UTS2B: variants seen among roughly 807,000 people sequenced by gnomAD.
UTS2B encodes the protein urotensin-2B.
A neutral mutation model predicts 19.2 loss-of-function variants in UTS2B; 21 were observed. The ratio of observed to expected loss-of-function variants is 1.09; its 90% CI spans 0.78 to 1.58. The LOEUF (loss-of-function observed/expected upper bound fraction) is 1.58, where lower values mean the gene tolerates loss of function less well. Ranked by LOEUF, UTS2B falls within the 40% of genes most tolerant of loss-of-function variation. The probability of loss-of-function intolerance (pLI) is 0.00; values close to 1 mark genes in which losing one functional copy is unlikely to be tolerated. For synonymous variants in UTS2B, 57 were observed against 50.2 expected (o/e 1.14, Z -0.58); for missense variants, 138 against 130.3 (o/e 1.06, Z -0.29).
intron 2 of UTS2B, among the ~76,000 whole-genome samples, chr3:191,322,083 C>T (rs1267535413): frequency 6.6e-6 from 1 of 151,518 alleles, no homozygotes; most frequent in African/African-American, 2.4e-5. Context: ...TGTATATGTA[C>T]ATAACATTCA....
At chr3:191,343,329 A>T in the UTS2B span, among the ~76,000 whole-genome samples, 3 of 152,246 alleles carry the variant, frequency 2.0e-5, no homozygotes, top group Non-Finnish European at 4.4e-5. Context: ...GAATCAAAGT[A>T]AGAGTTCTCT....
chr3:191,269,879 T>C (rs980112848), intron 8 of UTS2B, among the ~76,000 whole-genome samples: 1 of 152,260 alleles, frequency 6.6e-6, no homozygotes, highest in Non-Finnish European at 1.5e-5. Flanking sequence ...TGAGTCATAC[T>C]GGTGGCAGAG....
intron 4 of UTS2B, among the ~76,000 whole-genome samples, chr3:191,296,055 T>C (rs1716848935): frequency 1.3e-5 from 2 of 152,202 alleles, no homozygotes; most frequent in South Asian, 4.1e-4. Flanking sequence ...TACCCATAGA[T>C]AAATATTGCG....
chr3:191,278,487 T>C (rs1322106916), intron 5 of UTS2B, among the ~76,000 whole-genome samples: 2 of 152,200 alleles, frequency 1.3e-5, no homozygotes, highest in East Asian at 3.9e-4. Context: ...TTTCTGGAAT[T>C]TTCTACTATT....
chr3:191,301,786 G>A (rs2108594759), intron 4 of UTS2B, among the ~76,000 whole-genome samples: 1 of 152,276 alleles, frequency 6.6e-6, no homozygotes, highest in Non-Finnish European at 1.5e-5. Flanking sequence ...ACCACGCCCG[G>A]CCAATTTTTG....
chr3:191,275,799 G>A (rs1453622278), intron 7 of UTS2B, among the ~76,000 whole-genome samples: 2 of 151,820 alleles, frequency 1.3e-5, no homozygotes, highest in Admixed American at 6.6e-5. Flanking sequence ...GAGAAAAAGG[G>A]GGAAATAGAA....
In UTS2B at chr3:191,273,698, T is replaced by A. The variant is rs1716154100; in HGVS notation, c.334+1554A>T. On this transcript the variant is annotated intron_variant, in intron 8 of 8. Transcript: ENST00000340524. ...CTAAGCTATACTGATTCAGGAAAGG[T>A]CCAACAAATCTCTATTTCAACCTTT... is the stretch of plus-strand genomic sequence containing the variant. The A allele has an allele frequency of 9.2e-5, 32 of 347,588 alleles. 1 individual carries two copies. Among genetic ancestry groups the A allele is most frequent in the South Asian group, 7.3e-4 (32 of 43,754 alleles). The allele number at this position is 347,588 out of a possible 1,614,324, so 21.5% of individuals were successfully genotyped here. A position where few individuals can be genotyped will look rare whatever the true frequency, so the allele number is the denominator to read the frequency against.
At chr3:191,306,200 G>A (rs903900914) in intron 3 of UTS2B, among the ~76,000 whole-genome samples, 8 of 152,154 alleles carry the variant, frequency 5.3e-5, no homozygotes, top group Non-Finnish European at 1.0e-4. Context: ...CTAGTGCTGT[G>A]AAGAATGTCA....
intron 5 of UTS2B, among the ~76,000 whole-genome samples, chr3:191,278,449 A>G (rs1716297686): frequency 6.6e-6 from 1 of 152,024 alleles, no homozygotes; most frequent in Admixed American, 6.6e-5. Flanking sequence ...ATTGGAGGTG[A>G]ATTTTACTTT....
At chr3:191,329,954 G>GGGA (rs1717905126) in intron 1 of UTS2B, among the ~76,000 whole-genome samples, 7 of 138,234 alleles carry the variant, frequency 5.1e-5, no homozygotes, top group East Asian at 2.3e-4. Context: ...GGGGGGGGGG[G>GGGA]GGCTAGCAGC....
chr3:191,274,424 T>C (rs988564827), intron 8 of UTS2B, among the ~76,000 whole-genome samples: 15 of 152,232 alleles, frequency 9.9e-5, no homozygotes, highest in Non-Finnish European at 1.8e-4. Flanking sequence ...AAGATTATTA[T>C]CATTATCCGC....
chr3:191,282,636 G>C (rs1716423381), intron 4 of UTS2B, among the ~76,000 whole-genome samples: 1 of 152,182 alleles, frequency 6.6e-6, no homozygotes, highest in South Asian at 2.1e-4. Flanking sequence ...AGAGCATAGA[G>C]GGCAGGTGAA....
Position 191,282,196 on chromosome 3 carries a change from A to G in UTS2B, c.-7T>C. On this transcript the variant is annotated 5_prime_UTR_variant, in exon 5 of 9. Coordinates refer to ENST00000340524, the MANE Select transcript of UTS2B (RefSeq NM_198152.5). ...TTGAGAGGATCTTGTTCATGTTAAAAAAAACCTTCTGGACTAGCAAAGAAA... is the reference window on the plus strand; with the variant it reads ...TTGAGAGGATCTTGTTCATGTTAAAGAAAACCTTCTGGACTAGCAAAGAAA... The G allele has an allele frequency of 6.2e-7, 1 of 1,603,854 alleles. No homozygotes were observed. The highest frequency in any genetic ancestry group is 8.5e-7 in the Non-Finnish European group (1 of 1,174,304).
At chr3:191,313,047 C>T (rs1338628970) in intron 3 of UTS2B, among the ~76,000 whole-genome samples, 2 of 150,032 alleles carry the variant, frequency 1.3e-5, no homozygotes, top group East Asian at 1.9e-4. Flanking sequence ...CGGAGTCTCA[C>T]TCTGTCAGGC....
chr3:191,311,287 T>A (rs967857429), intron 3 of UTS2B, among the ~76,000 whole-genome samples: 1 of 152,252 alleles, frequency 6.6e-6, no homozygotes, highest in Non-Finnish European at 1.5e-5. Flanking sequence ...TGGGAAAATT[T>A]GAAGAAAAAT....
chr3:191,276,001 A>G (rs1164424766), intron 7 of UTS2B, among the ~76,000 whole-genome samples: 2 of 152,342 alleles, frequency 1.3e-5, no homozygotes, highest in South Asian at 2.1e-4. Context: ...TGTGCCACCT[A>G]TAATGAGCAG....
intron 4 of UTS2B, among the ~76,000 whole-genome samples, chr3:191,286,976 A>C (rs887509134): frequency 2.0e-5 from 3 of 150,854 alleles, no homozygotes; most frequent in Non-Finnish European, 4.4e-5. Flanking sequence ...CACTACAAGC[A>C]ACTGTATGTC....
At chr3:191,278,591 C>T (rs1254186738) in intron 5 of UTS2B, among the ~76,000 whole-genome samples, 3 of 151,938 alleles carry the variant, frequency 2.0e-5, no homozygotes, top group Non-Finnish European at 4.4e-5. Context: ...TTTATATACA[C>T]ATTTATATAT....
At chr3:191,327,965 A>G (rs1399207688) in intron 2 of UTS2B, among the ~76,000 whole-genome samples, 1 of 152,238 alleles carries the variant, frequency 6.6e-6, no homozygotes, top group African/African-American at 2.4e-5. Flanking sequence ...CTTTTCCTGT[A>G]AAGCATATTT....
Sources: allele counts gnomAD v4.1 joint callset (sites outside exome capture counted in the v4.1 genomes callset), GRCh38; gene constraint gnomAD v4.1.1; transcripts MANE v1.5; gene names NCBI Gene and HGNC (gene_info 2026-07-23, HGNC 2026-07-21).